CCDC57: variants seen among roughly 807,000 people sequenced by gnomAD.
CCDC57 encodes the protein coiled-coil domain containing 57, also known as coiled-coil domain-containing protein 57.
A neutral mutation model predicts 118.9 loss-of-function variants in CCDC57; 118 were observed. That is an observed-to-expected ratio of 0.99 (90% CI 0.86 to 1.16). The LOEUF (loss-of-function observed/expected upper bound fraction) is 1.16, where lower values mean the gene tolerates loss of function less well. Among genes scored for constraint, CCDC57 ranks in the 50% most tolerant of loss-of-function variants. CCDC57 has a pLI of 0.00. For synonymous variants in CCDC57, 527 were observed against 532.9 expected (o/e 0.99, Z 0.15); for missense variants, 1,300 against 1,320.7 (o/e 0.98, Z 0.24).
At chr17:82,179,990 G>A (rs879360406) in intron 9 of CCDC57, among the ~76,000 whole-genome samples, 1 of 152,226 alleles carries the variant, frequency 6.6e-6, no homozygotes, top group Non-Finnish European at 1.5e-5. Flanking sequence ...TCCTGTGACG[G>A]GGGAGAGGTC....
intron 4 of CCDC57, 138 bp from the exon 4 acceptor site, chr17:82,195,502 G>A (rs1345549167): frequency 1.9e-5 from 13 of 698,898 alleles, no homozygotes; most frequent in African/African-American, 5.3e-5. Context: ...GTCCAGGAGA[G>A]AAGCTGGGGT....
intron 16 of CCDC57, among the ~76,000 whole-genome samples, chr17:82,151,148 C>CACACCCAGA (rs2041972760): frequency 1.3e-5 from 1 of 74,622 alleles, no homozygotes; most frequent in Non-Finnish European, 2.7e-5. Context: ...ACCTGACCCG[C>CACACCCAGA]ACCTAGAACC....
intron 16 of CCDC57, among the ~76,000 whole-genome samples, chr17:82,148,117 GGATGGTTA>G (rs1204460147): frequency 2.2e-5 from 3 of 137,546 alleles, no homozygotes; most frequent in Non-Finnish European, 4.7e-5. Context: ...ATAAGTGGTT[GGATGGTTA>G]GATGGATGGA....
intron 9 of CCDC57, among the ~76,000 whole-genome samples, chr17:82,180,292 G>A (rs1341411807): frequency 6.6e-6 from 1 of 152,106 alleles, no homozygotes. Context: ...AGGGACCCTG[G>A]GCCTCCAAGG....
intron 13 of CCDC57, among the ~76,000 whole-genome samples, chr17:82,170,368 C>T (rs1187419005): frequency 6.6e-6 from 1 of 151,988 alleles, no homozygotes. Context: ...ATTAGCCGGG[C>T]GTGGTGGCAT....
intron 19 of CCDC57, chr17:82,127,101 G>GCTGGCA (rs2037558094): frequency 2.0e-6 from 2 of 985,464 alleles, no homozygotes; most frequent in African/African-American, 1.7e-5. Context: ...AGTAGCAGGA[G>GCTGGCA]CTGGCACTGT....
intron 16 of CCDC57, among the ~76,000 whole-genome samples, chr17:82,136,556 C>T (rs1430516786): frequency 1.4e-5 from 2 of 139,388 alleles, no homozygotes; most frequent in Non-Finnish European, 3.1e-5. Context: ...GAGCTTTCAA[C>T]AGTACATTTT....
At chr17:82,190,945 C>T (rs2047598117) in intron 7 of CCDC57, among the ~76,000 whole-genome samples, 1 of 151,578 alleles carries the variant, frequency 6.6e-6, no homozygotes, top group South Asian at 2.1e-4. Context: ...TGGCAGGCTT[C>T]CACCACTGAA....
At chr17:82,189,221 T>A (rs1278379821) in intron 7 of CCDC57, among the ~76,000 whole-genome samples, 3 of 152,190 alleles carry the variant, frequency 2.0e-5, no homozygotes, top group African/African-American at 7.2e-5. Context: ...TGAGCCGTGA[T>A]GGTGCCACTG....
At chr17:82,133,189 G>A (rs2038666668) in intron 17 of CCDC57, among the ~76,000 whole-genome samples, 1 of 151,984 alleles carries the variant, frequency 6.6e-6, no homozygotes, top group Non-Finnish European at 1.5e-5. Context: ...TGGGCAACAT[G>A]GCAAAACTCC....
intron 8 of CCDC57, 61 bp from the exon 8 acceptor site, chr17:82,183,993 C>T: frequency 4.1e-6 from 6 of 1,459,692 alleles, no homozygotes; most frequent in East Asian, 2.4e-5. Flanking sequence ...GTCTCTTACA[C>T]AGCACCCCCC....
intron 17 of CCDC57, among the ~76,000 whole-genome samples, chr17:82,129,599 G>A (rs1358667696): frequency 2.6e-5 from 4 of 152,290 alleles, no homozygotes; most frequent in Non-Finnish European, 4.4e-5. Flanking sequence ...CAGTGATCAC[G>A]GGCACAGCCT....
intron 14 of CCDC57, among the ~76,000 whole-genome samples, chr17:82,158,972 T>C (rs1414343584): frequency 1.3e-5 from 2 of 152,108 alleles, no homozygotes; most frequent in South Asian, 4.1e-4. Flanking sequence ...CCCACTGGGC[T>C]CAAGTAATCC....
intron 16 of CCDC57, among the ~76,000 whole-genome samples, chr17:82,140,925 C>T (rs566633002): frequency 2.4e-4 from 37 of 152,234 alleles, no homozygotes; most frequent in African/African-American, 9.6e-5. Flanking sequence ...TGAAATCTGG[C>T]GGGTTCTTGG....
At chr17:82,134,041 A>T in intron 17 of CCDC57, 32 bp downstream of exon 16, 2 of 1,351,874 alleles carry the variant, frequency 1.5e-6, no homozygotes, top group Non-Finnish European at 1.9e-6. Context: ...AAATATTTTT[A>T]AAAATGCATG....
chr17:82,125,627 T>G (rs1289727869), intron 19 of CCDC57, among the ~76,000 whole-genome samples: 4 of 152,058 alleles, frequency 2.6e-5, no homozygotes, highest in Non-Finnish European at 4.4e-5. Context: ...CCACCTGCCT[T>G]AGCCTCCCAA....
chr17:82,194,799 A>C (rs1319378181), intron 5 of CCDC57, among the ~76,000 whole-genome samples: 1 of 152,188 alleles, frequency 6.6e-6, no homozygotes, highest in African/African-American at 2.4e-5. Flanking sequence ...TGAGCAAGCC[A>C]CTCGCGTCCC....
At chr17:82,183,740 C>T in intron 9 of CCDC57, 34 bp downstream of exon 8, 1 of 1,545,062 alleles carries the variant, frequency 6.5e-7, no homozygotes, top group South Asian at 1.2e-5. Context: ...CCATAGGAGA[C>T]CCTCAATGGA....
chr17:82,132,962 G>A (rs1229833289), intron 17 of CCDC57, among the ~76,000 whole-genome samples: 1 of 152,042 alleles, frequency 6.6e-6, no homozygotes, highest in Non-Finnish European at 1.5e-5. Context: ...GTTTCACCAT[G>A]TTGGTCAGGC....
Sources: allele counts gnomAD v4.1 joint callset (sites outside exome capture counted in the v4.1 genomes callset), GRCh38; gene constraint gnomAD v4.1.1; transcripts MANE v1.5; gene names NCBI Gene and HGNC (gene_info 2026-07-23, HGNC 2026-07-21).